The following COL27A1 variants were observed in gnomAD, a reference collection of about 807,000 sequenced individuals.
COL27A1 encodes collagen type XXVII alpha 1 chain, also known as collagen alpha-1(XXVII) chain.
In COL27A1, 106 loss-of-function variants were observed where a neutral mutation model predicts 251.3. That is an observed-to-expected ratio of 0.42 (90% CI 0.36 to 0.50). The LOEUF (loss-of-function observed/expected upper bound fraction) is 0.50, where lower values mean the gene tolerates loss of function less well. Ranked by LOEUF, COL27A1 falls within the 20% of genes least tolerant of loss-of-function variation. The probability of loss-of-function intolerance (pLI) is 0.00; values close to 1 mark genes in which losing one functional copy is unlikely to be tolerated. For synonymous variants in COL27A1, 1,000 were observed against 986.3 expected (o/e 1.01, Z -0.26); for missense variants, 2,325 against 2,522.8 (o/e 0.92, Z 1.68).
intron 1 of COL27A1, among the ~76,000 whole-genome samples, chr9:114,162,158 A>T (rs1473166571): frequency 6.6e-6 from 1 of 152,194 alleles, no homozygotes; most frequent in African/African-American, 2.4e-5. Context: ...GCCTTCACAC[A>T]GCACTGGTTC....
chr9:114,254,897 T>G (rs907535050), intron 27 of COL27A1, among the ~76,000 whole-genome samples: 9 of 152,158 alleles, frequency 5.9e-5, no homozygotes, highest in Admixed American at 2.0e-4. Flanking sequence ...ATTAACAGAC[T>G]TTTATCGAGC....
Position 114,310,879 on chromosome 9 carries a change from G to A in COL27A1, c.*184G>A, listed in dbSNP as rs1298588321. ...GGTAGGAGGGGATAGGGTGTCCTTG[G>A]GAACAATGGATCCCAGCTTAGCCCC... On this transcript the variant is annotated 3_prime_UTR_variant, in exon 61 of 61. Coordinates refer to ENST00000356083, the MANE Select transcript of COL27A1 (RefSeq NM_032888.4). 3.5e-6 allele frequency: 2 copies of A among 565,196 alleles called. No homozygotes were observed. The highest frequency in any genetic ancestry group is 3.1e-6 in the Non-Finnish European group (1 of 325,372). 35.0% of individuals were successfully genotyped at this position (565,196 alleles called of 1,614,324 possible). A position where few individuals can be genotyped will look rare whatever the true frequency, so the allele number is the denominator to read the frequency against.
At chr9:114,177,558 A>T (rs1321694994) in intron 3 of COL27A1, among the ~76,000 whole-genome samples, 3 of 152,174 alleles carry the variant, frequency 2.0e-5, no homozygotes, top group Non-Finnish European at 2.9e-5. Context: ...TTTGAGTGCC[A>T]GTTACATACC....
intron 29 of COL27A1, 69 bp from the exon 30 acceptor site, chr9:114,264,855 G>C: frequency 6.6e-7 from 1 of 1,516,744 alleles, no homozygotes; most frequent in East Asian, 2.3e-5. Context: ...CCCATGTGGA[G>C]GGGTCCCTTT....
At chr9:114,246,741 G>A (rs970529265) in intron 24 of COL27A1, among the ~76,000 whole-genome samples, 3 of 152,190 alleles carry the variant, frequency 2.0e-5, no homozygotes, top group Non-Finnish European at 4.4e-5. Flanking sequence ...CATCTGTTGG[G>A]GGAAGAAAGG....
At chr9:114,184,878 C>T (rs1011275738) in intron 5 of COL27A1, among the ~76,000 whole-genome samples, 1 of 152,324 alleles carries the variant, frequency 6.6e-6, no homozygotes, top group East Asian at 1.9e-4. Context: ...GGCCATGGCA[C>T]ATCAAGATGC....
chr9:114,270,883 T>C, intron 36 of COL27A1, 102 bp downstream of exon 36: 1 of 917,214 alleles, frequency 1.1e-6, no homozygotes, highest in Non-Finnish European at 1.7e-6. Flanking sequence ...CCCATAGAGA[T>C]CTGAGATGAC....
At chr9:114,211,195 C>T (rs1414686378) in intron 12 of COL27A1, among the ~76,000 whole-genome samples, 169 bp downstream of exon 12, 4 of 152,186 alleles carry the variant, frequency 2.6e-5, no homozygotes, top group South Asian at 2.1e-4. Flanking sequence ...TGGCACACGG[C>T]GTGACTGGGG....
chr9:114,218,651 TA>T (rs1830869449), intron 12 of COL27A1: 1 of 152,250 alleles, frequency 6.6e-6, no homozygotes, highest in South Asian at 2.1e-4. Flanking sequence ...CCACACCTTC[TA>T]TGGGGTGAAT....
chr9:114,214,526 A>G (rs1459273534), intron 12 of COL27A1, among the ~76,000 whole-genome samples: 2 of 152,234 alleles, frequency 1.3e-5, no homozygotes, highest in African/African-American at 4.8e-5. Flanking sequence ...AAAGCACATC[A>G]GAGCTATAGG....
intron 41 of COL27A1, among the ~76,000 whole-genome samples, chr9:114,286,253 G>A (rs954537141): frequency 2.6e-5 from 4 of 152,120 alleles, no homozygotes; most frequent in Non-Finnish European, 5.9e-5. Context: ...TTGAGCACAC[G>A]CCCACGTGCA....
At chr9:114,306,857 T>G (rs1272627448) in intron 58 of COL27A1, among the ~76,000 whole-genome samples, 169 bp downstream of exon 58, 1 of 152,108 alleles carries the variant, frequency 6.6e-6, no homozygotes, top group African/African-American at 2.4e-5. Context: ...TATACCAAGA[T>G]CCGCATGCTG....
intron 12 of COL27A1, chr9:114,217,807 A>ATGCTCTGGTGCCT: frequency 2.1e-6 from 1 of 470,870 alleles, no homozygotes. Flanking sequence ...AGAGGTGGGA[A>ATGCTCTGGTGCCT]CTCAATGCCT....
intron 14 of COL27A1, among the ~76,000 whole-genome samples, chr9:114,224,787 G>T (rs972552954): frequency 1.3e-5 from 2 of 151,500 alleles, no homozygotes; most frequent in Non-Finnish European, 2.9e-5. Context: ...CAAGTAGCTG[G>T]GACAACAGGT....
chr9:114,261,250 C>T (rs1834311664), intron 28 of COL27A1, among the ~76,000 whole-genome samples: 1 of 152,210 alleles, frequency 6.6e-6, no homozygotes, highest in African/African-American at 2.4e-5. Context: ...CAAGCCTGAT[C>T]CCCAGGCCTG....
chr9:114,302,735 A>C (rs929293890), intron 56 of COL27A1, among the ~76,000 whole-genome samples: 3 of 151,862 alleles, frequency 2.0e-5, no homozygotes, highest in African/African-American at 4.8e-5. Context: ...ACAAAAAAAA[A>C]AAAAAACAAA....
chr9:114,185,989 G>A (rs892504535), intron 5 of COL27A1, among the ~76,000 whole-genome samples: 5 of 152,220 alleles, frequency 3.3e-5, no homozygotes. Context: ...CCTCCGGAGG[G>A]TGCAGAAGAG....
intron 10 of COL27A1, among the ~76,000 whole-genome samples, chr9:114,209,197 G>A (rs557133358): frequency 3.3e-5 from 5 of 152,162 alleles, no homozygotes; most frequent in Non-Finnish European, 5.9e-5. Context: ...CTCCGGGTTC[G>A]CAGCCGCTGT....
chr9:114,264,286 G>T, intron 28 of COL27A1, 69 bp from the exon 29 acceptor site: 1 of 1,297,084 alleles, frequency 7.7e-7, no homozygotes, highest in South Asian at 1.6e-5. Flanking sequence ...GAGCAGCCCC[G>T]CCCTCCTGGT....
Sources: gnomAD v4.1 joint callset for allele counts (sites outside exome capture counted in the v4.1 genomes callset) on GRCh38, gnomAD v4.1.1 for gene constraint, MANE v1.5 for transcripts, NCBI Gene and HGNC (gene_info 2026-07-23, HGNC 2026-07-21) for gene names.